Variants in DPP6 observed in about 807,000 individuals in gnomAD.
The protein encoded by DPP6 is dipeptidyl peptidase like 6, also known as A-type potassium channel modulatory protein DPP6.
A neutral mutation model predicts 122.6 loss-of-function variants in DPP6; 69 were observed. The ratio of observed to expected loss-of-function variants is 0.56; its 90% CI spans 0.46 to 0.69. The LOEUF (loss-of-function observed/expected upper bound fraction) is 0.69. Among genes scored for constraint, DPP6 ranks in the 30% least tolerant of loss-of-function variants. DPP6 has a pLI of 0.00. For missense variants in DPP6, 928 were observed against 1,116.9 expected (o/e 0.83, Z 2.41); for synonymous variants, 418 against 433.1 (o/e 0.97, Z 0.43).
intron 1 of DPP6, among the ~76,000 whole-genome samples, chr7:154,091,115 CT>C (rs1157942000): frequency 9.9e-5 from 13 of 131,066 alleles, no homozygotes; most frequent in Admixed American, 2.2e-4. Flanking sequence ...AGCAAGACTC[CT>C]TCTCAAAAAA....
chr7:154,238,702 C>T (rs935121614), intron 1 of DPP6, among the ~76,000 whole-genome samples: 1 of 152,182 alleles, frequency 6.6e-6, no homozygotes, highest in African/African-American at 2.4e-5. Flanking sequence ...AATGGATTCT[C>T]TTATTATTAT....
the DPP6 span, among the ~76,000 whole-genome samples, chr7:153,863,936 T>A: frequency 1.1e-4 from 17 of 152,382 alleles, 1 homozygote; most frequent in Admixed American, 9.8e-4. Flanking sequence ...CTGAATAATC[T>A]TCCACTGTAT....
chr7:154,732,819 G>A (rs924079149), intron 8 of DPP6, among the ~76,000 whole-genome samples: 3 of 152,164 alleles, frequency 2.0e-5, no homozygotes, highest in Non-Finnish European at 4.4e-5. Flanking sequence ...ATGTCAGCAG[G>A]AATCATGTTA....
intron 22 of DPP6, among the ~76,000 whole-genome samples, chr7:154,886,546 G>A (rs1416194784): frequency 5.9e-5 from 9 of 152,220 alleles, no homozygotes; most frequent in Non-Finnish European, 1.2e-4. Flanking sequence ...TATACAGAGA[G>A]GTCTTTTCTG....
At chr7:153,932,596 A>G (rs1801224358) in intron 1 of DPP6, among the ~76,000 whole-genome samples, 1 of 152,180 alleles carries the variant, frequency 6.6e-6, no homozygotes, top group Non-Finnish European at 1.5e-5. Context: ...AAGATTGAGA[A>G]TCTGATTGCA....
chr7:154,459,498 A>G (rs1821087100), intron 2 of DPP6, among the ~76,000 whole-genome samples: 1 of 152,202 alleles, frequency 6.6e-6, no homozygotes, highest in Non-Finnish European at 1.5e-5. Flanking sequence ...TATTAATTTT[A>G]TTGAACAAGT....
At position 154,882,764 on chromosome 7, in the gene DPP6, G is replaced by A. The variant is rs577015181; in HGVS notation, c.2133+1822G>A. Among the ~76,000 whole-genome samples the A allele has an allele frequency of 5.3e-5, 8 of 152,162 alleles. No homozygotes were observed. The East Asian group carries it at 5.8e-4, about 11-fold the overall frequency. On this transcript the variant is annotated intron_variant, in intron 21 of 25. Transcript: ENST00000377770. The stretch of plus-strand genomic sequence containing the variant: ...CAGGAAAATGAGATTTAAAGAAAAC[G>A]AAGAATGACAAGTAAGGACGTGTGG...
At chr7:154,726,503 C>G (rs756535653) in intron 7 of DPP6, among the ~76,000 whole-genome samples, 2 of 152,194 alleles carry the variant, frequency 1.3e-5, no homozygotes, top group Non-Finnish European at 2.9e-5. Context: ...ATGGCTGGAG[C>G]TGGTGTGGGC....
At chr7:154,086,340 C>T (rs1044214529) in intron 1 of DPP6, among the ~76,000 whole-genome samples, 7 of 147,032 alleles carry the variant, frequency 4.8e-5, no homozygotes, top group African/African-American at 7.6e-5. Flanking sequence ...GGTATAGAGG[C>T]TGCAGGTGTG....
At chr7:154,858,253 C>G (rs900320716) in intron 17 of DPP6, 2 of 152,216 alleles carry the variant, frequency 1.3e-5, no homozygotes, top group Non-Finnish European at 2.9e-5. Flanking sequence ...TGCTATTATC[C>G]CCACTTGTCA....
rs937366219 is a variant in DPP6 at position 154,257,274 on chromosome 7, C to T, written c.244-188940C>T. Among the ~76,000 whole-genome samples, 4 of 152,174 alleles carry T rather than the reference C, an allele frequency of 2.6e-5. No homozygotes were observed. In the South Asian group the frequency reaches 6.2e-4, roughly 24 times the overall value. ...AGCAGAATTCCAGAGGCTATTCCTA[C>T]CTGTTGTAATGAAACTTCTCGATTT... On this transcript the variant is annotated intron_variant, in intron 1 of 25. Coordinates refer to ENST00000377770, the MANE Select transcript of DPP6 (RefSeq NM_130797.4).
At chr7:154,180,694 G>A (rs1446951801) in intron 1 of DPP6, among the ~76,000 whole-genome samples, 1 of 151,550 alleles carries the variant, frequency 6.6e-6, no homozygotes, top group Non-Finnish European at 1.5e-5. Context: ...CTTGGGAAAA[G>A]ATATTCTAGG....
chr7:154,205,583 C>A (rs1799398267), intron 1 of DPP6, among the ~76,000 whole-genome samples: 2 of 152,046 alleles, frequency 1.3e-5, no homozygotes, highest in African/African-American at 4.8e-5. Flanking sequence ...GAACAGTTCC[C>A]TTCTTTGAGT....
chr7:154,831,948 T>G (rs973302996), intron 16 of DPP6, among the ~76,000 whole-genome samples: 1 of 152,202 alleles, frequency 6.6e-6, no homozygotes, highest in Non-Finnish European at 1.5e-5. Context: ...TATGGCCCTC[T>G]CCTTCATCAC....
chr7:154,648,370 T>C (rs1260538426), intron 6 of DPP6, among the ~76,000 whole-genome samples: 1 of 152,098 alleles, frequency 6.6e-6, no homozygotes, highest in East Asian at 1.9e-4. Context: ...CTGTCTAGTT[T>C]ATTTTGTTTT....
chr7:154,261,877 T>A (rs1407244095), intron 1 of DPP6, among the ~76,000 whole-genome samples: 1 of 152,162 alleles, frequency 6.6e-6, no homozygotes, highest in Non-Finnish European at 1.5e-5. Flanking sequence ...TCACATTTTT[T>A]AAAAGATAAT....
At chr7:154,297,073 T>TG (rs1805587147) in intron 1 of DPP6, among the ~76,000 whole-genome samples, 3 of 139,508 alleles carry the variant, frequency 2.2e-5, no homozygotes, top group African/African-American at 6.2e-5. Flanking sequence ...GTTTTTTTTT[T>TG]TTTGTTTTGT....
chr7:154,363,356 C>A (rs557141222), intron 1 of DPP6, among the ~76,000 whole-genome samples: 51 of 152,302 alleles, frequency 3.3e-4, no homozygotes, highest in Non-Finnish European at 6.3e-4. Flanking sequence ...CCAGTTTGTC[C>A]CCAGTGCTTC....
intron 1 of DPP6, chr7:154,305,597 T>C: frequency 6.4e-7 from 1 of 1,556,340 alleles, no homozygotes; most frequent in Non-Finnish European, 8.7e-7. Context: ...TGCGTGCGTG[T>C]GCATGCGTGC....
Sources: allele counts gnomAD v4.1 joint callset (sites outside exome capture counted in the v4.1 genomes callset), GRCh38; gene constraint gnomAD v4.1.1; transcripts MANE v1.5; gene names NCBI Gene and HGNC (gene_info 2026-07-23, HGNC 2026-07-21).